The following ANXA4 variants were observed in gnomAD, a reference collection of about 807,000 sequenced individuals.
The protein encoded by ANXA4 is 35-beta calcimedin.
ANXA4 carries 39 observed loss-of-function variants against 49.8 expected under a neutral mutation model. That is an observed-to-expected ratio of 0.78 (90% confidence interval 0.61 to 1.02). ANXA4 has a LOEUF of 1.02. Ranked by LOEUF, ANXA4 falls within the 50% of genes least tolerant of loss-of-function variation. The pLI is 0.00. For missense variants in ANXA4, 360 were observed against 410.1 expected (o/e 0.88, Z 1.05); for synonymous variants, 134 against 152.5 (o/e 0.88, Z 0.89).
At chr2:69,763,828 A>G (rs1217042111) in intron 1 of ANXA4, among the ~76,000 whole-genome samples, 8 of 151,770 alleles carry the variant, frequency 5.3e-5, no homozygotes, top group Non-Finnish European at 1.0e-4. Context: ...ACGCCTGGCT[A>G]ATTTTTATAT....
chr2:69,770,255 C>T (rs1671654529), intron 1 of ANXA4, among the ~76,000 whole-genome samples: 2 of 152,048 alleles, frequency 1.3e-5, no homozygotes, highest in South Asian at 4.1e-4. Context: ...GATCTAAGTT[C>T]CAAGAAAAAA....
intron 3 of ANXA4, among the ~76,000 whole-genome samples, chr2:69,731,976 C>CTTTTTT (rs1349540007): frequency 1.7e-4 from 18 of 107,000 alleles, no homozygotes; most frequent in African/African-American, 5.2e-4. Flanking sequence ...ATTTTCTTTT[C>CTTTTTT]TTTCTTTTTT....
intron 3 of ANXA4, among the ~76,000 whole-genome samples, chr2:69,796,296 G>A (rs893622027): frequency 2.6e-5 from 4 of 152,194 alleles, no homozygotes; most frequent in African/African-American, 9.7e-5. Context: ...GACTCTGCAA[G>A]CCTGCAAAGC....
intron 3 of ANXA4, among the ~76,000 whole-genome samples, chr2:69,799,728 C>T (rs1163103167): frequency 6.6e-6 from 1 of 152,156 alleles, no homozygotes; most frequent in Non-Finnish European, 1.5e-5. Flanking sequence ...AGCCTCTGCC[C>T]CCAAGACCTT....
chr2:69,711,061 T>G (rs530130726), intron 2 of ANXA4, among the ~76,000 whole-genome samples: 8 of 152,014 alleles, frequency 5.3e-5, no homozygotes, highest in Non-Finnish European at 1.0e-4. Flanking sequence ...CAGGCGTGGT[T>G]GCTCACACCT....
intron 3 of ANXA4, among the ~76,000 whole-genome samples, chr2:69,800,138 A>G (rs1673129503): frequency 6.6e-6 from 1 of 152,238 alleles, no homozygotes; most frequent in Non-Finnish European, 1.5e-5. Context: ...AGCTGCCTCA[A>G]GTCTGATTCC....
chr2:69,790,183 C>A (rs1396488307), intron 3 of ANXA4, among the ~76,000 whole-genome samples: 2 of 152,122 alleles, frequency 1.3e-5, no homozygotes, highest in Non-Finnish European at 2.9e-5. Flanking sequence ...GCTGGGGACT[C>A]ACTTTACCCT....
intron 1 of ANXA4, among the ~76,000 whole-genome samples, chr2:69,747,742 C>A (rs1423049968): frequency 6.6e-6 from 1 of 152,054 alleles, no homozygotes; most frequent in Non-Finnish European, 1.5e-5. Context: ...CTGGAGTGCC[C>A]TGGTGTAATC....
intron 3 of ANXA4, among the ~76,000 whole-genome samples, chr2:69,798,674 T>G (rs911345844): frequency 6.6e-6 from 1 of 152,234 alleles, no homozygotes; most frequent in African/African-American, 2.4e-5. Context: ...GGCCAGCCCT[T>G]GTGGCTCCTT....
At chr2:69,664,583 G>A (rs1028074816) in intron 2 of ANXA4, among the ~76,000 whole-genome samples, 1 of 152,176 alleles carries the variant, frequency 6.6e-6, no homozygotes, top group Non-Finnish European at 1.5e-5. Context: ...ATAGGTGTCA[G>A]TAAGTATTAC....
chr2:69,789,678 A>G (rs750168488), intron 3 of ANXA4, among the ~76,000 whole-genome samples: 1 of 152,172 alleles, frequency 6.6e-6, no homozygotes, highest in Non-Finnish European at 1.5e-5. Context: ...GAGGGGGCTC[A>G]TGAGCAGAGG....
intron 2 of ANXA4, among the ~76,000 whole-genome samples, chr2:69,695,068 C>T (rs567358145): frequency 1.3e-5 from 2 of 152,030 alleles, no homozygotes; most frequent in South Asian, 4.2e-4. Context: ...CACTTGAGCC[C>T]AGGAGGTCGA....
chr2:69,824,125 TAATC>T (rs1397659924), intron 12 of ANXA4, among the ~76,000 whole-genome samples: 1 of 151,988 alleles, frequency 6.6e-6, no homozygotes, highest in Non-Finnish European at 1.5e-5. Flanking sequence ...ATTAAAAAAT[TAATC>T]AATTATTAGA....
At chr2:69,708,384 G>C (rs75046936) in intron 2 of ANXA4, among the ~76,000 whole-genome samples, 8,743 of 152,210 alleles carry the variant, frequency 0.057, 864 homozygotes, top group African/African-American at 0.2. Context: ...TCAGTGGTCC[G>C]TAACAGTTAA....
chr2:69,793,212 A>G (rs1000624130), intron 3 of ANXA4, among the ~76,000 whole-genome samples: 40 of 143,760 alleles, frequency 2.8e-4, no homozygotes, highest in African/African-American at 1.1e-3. Context: ...AGATCGCACT[A>G]CTGCACTCCA....
chr2:69,746,612 G>A (rs1670622621), intron 1 of ANXA4, among the ~76,000 whole-genome samples: 1 of 152,110 alleles, frequency 6.6e-6, no homozygotes, highest in Non-Finnish European at 1.5e-5. Context: ...ATGGGAACCT[G>A]AACCACCACC....
rs201603508 is a variant in ANXA4, at chr2:69,648,879, C to CTTTTTTTTT, written n.481+3977_481+3978insTTTTTTTTT. The stretch of plus-strand genomic sequence containing the variant: ...ATTTTTTTAATTTTTAATTTTCTTT[C>CTTTTTTTTT]TTTCTTTTCTTTTTTTTTTTTTTTG... On this transcript the variant is annotated intron_variant and non_coding_transcript_variant, in intron 1 of 3. Transcript: ENST00000418066. 1.1e-4 allele frequency among the ~76,000 whole-genome samples: 12 copies of CTTTTTTTTT among 113,478 alleles called. 1 individual carries two copies. The highest frequency in any genetic ancestry group is 7.1e-4 in the East Asian group (2 of 2,804). 74.4% of individuals were successfully genotyped at this position (113,478 alleles called of 152,430 possible). A position where few individuals can be genotyped will look rare whatever the true frequency, so the allele number is the denominator to read the frequency against.
At chr2:69,782,121 G>A (rs1376561479) in intron 2 of ANXA4, among the ~76,000 whole-genome samples, 2 of 152,158 alleles carry the variant, frequency 1.3e-5, no homozygotes, top group Non-Finnish European at 2.9e-5. Flanking sequence ...GGTGGAAGCT[G>A]AGCCTCTTAG....
intron 2 of ANXA4, among the ~76,000 whole-genome samples, chr2:69,711,081 G>A (rs1678663838): frequency 6.6e-6 from 1 of 152,178 alleles, no homozygotes; most frequent in Non-Finnish European, 1.5e-5. Flanking sequence ...TGTAATCCCA[G>A]CACTTTGGGA....
Sources: gnomAD v4.1 joint callset for allele counts (sites outside exome capture counted in the v4.1 genomes callset) on GRCh38, gnomAD v4.1.1 for gene constraint, MANE v1.5 for transcripts, NCBI Gene and HGNC (gene_info 2026-07-23, HGNC 2026-07-21) for gene names.